TASP1: variants seen among roughly 807,000 people sequenced by gnomAD.
TASP1 encodes taspase 1.
A neutral mutation model predicts 56.6 loss-of-function variants in TASP1; 16 were observed. The observed-to-expected ratio is 0.28, with a 90% CI of 0.19 to 0.43. The LOEUF (loss-of-function observed/expected upper bound fraction) is 0.43, where lower values mean the gene tolerates loss of function less well. Ranked by LOEUF, TASP1 falls within the 20% of genes least tolerant of loss-of-function variation. The pLI is 1.00. For synonymous variants in TASP1, 179 were observed against 184.2 expected (o/e 0.97, Z 0.23); for missense variants, 393 against 511.6 (o/e 0.77, Z 2.24).
At chr20:13,154,246 A>T in the TASP1 span, 1 of 1,397,010 alleles carries the variant, frequency 7.2e-7, no homozygotes, top group Non-Finnish European at 9.8e-7. Flanking sequence ...GAGTGAGTTC[A>T]GAATTCACTC....
At chr20:13,470,996 A>G (rs752314105) in intron 11 of TASP1, among the ~76,000 whole-genome samples, 2 of 152,088 alleles carry the variant, frequency 1.3e-5, no homozygotes, top group Non-Finnish European at 2.9e-5. Context: ...TCTCTTTTCT[A>G]TCCCCTTCAA....
intron 7 of TASP1, among the ~76,000 whole-genome samples, chr20:13,569,081 T>C (rs2046628735): frequency 6.6e-6 from 1 of 152,148 alleles, no homozygotes; most frequent in Non-Finnish European, 1.5e-5. Flanking sequence ...TAACTGTTTT[T>C]CAGTTTAACT....
chr20:13,232,201 A>C, the TASP1 span, among the ~76,000 whole-genome samples: 1 of 152,222 alleles, frequency 6.6e-6, no homozygotes, highest in Admixed American at 6.5e-5. Flanking sequence ...AATAAACTGT[A>C]CATATTTAAA....
the TASP1 span, among the ~76,000 whole-genome samples, chr20:13,184,112 A>G: frequency 5.9e-5 from 9 of 152,164 alleles, no homozygotes; most frequent in African/African-American, 2.2e-4. Context: ...CATTTATTCA[A>G]GAAATATTTA....
intron 4 of TASP1, among the ~76,000 whole-genome samples, chr20:13,600,149 G>C (rs1405670313): frequency 6.6e-6 from 1 of 152,050 alleles, no homozygotes; most frequent in Non-Finnish European, 1.5e-5. Flanking sequence ...TAAATGGAAA[G>C]AAATACTATG....
intron 10 of TASP1, among the ~76,000 whole-genome samples, chr20:13,484,733 C>CAAA (rs34720600): frequency 0.22 from 17,694 of 80,538 alleles, 1,519 homozygotes; most frequent in Middle Eastern, 0.32. Context: ...CAAGATTTCT[C>CAAA]AAAAAAAAAA....
At chr20:13,274,416 T>C in the TASP1 span, among the ~76,000 whole-genome samples, 4 of 152,160 alleles carry the variant, frequency 2.6e-5, no homozygotes, top group Non-Finnish European at 5.9e-5. Flanking sequence ...TAGGTCAGCT[T>C]CCGCTGCCAG....
chr20:13,263,115 G>T, the TASP1 span, among the ~76,000 whole-genome samples: 9 of 152,236 alleles, frequency 5.9e-5, no homozygotes, highest in East Asian at 1.7e-3. Context: ...GCCAGCAATA[G>T]TTCCTAAAGG....
intron 10 of TASP1, among the ~76,000 whole-genome samples, chr20:13,491,834 T>C (rs1358847996): frequency 2.0e-5 from 3 of 152,196 alleles, no homozygotes; most frequent in African/African-American, 4.8e-5. Flanking sequence ...AGCCCCATTA[T>C]TACAAAATGA....
At chr20:13,561,942 G>A (rs1320161215) in intron 7 of TASP1, among the ~76,000 whole-genome samples, 2 of 152,076 alleles carry the variant, frequency 1.3e-5, no homozygotes, top group African/African-American at 4.8e-5. Context: ...AAACCAAGTA[G>A]ATCTAAAAGA....
chr20:13,563,431 T>G (rs1055288815), intron 7 of TASP1, among the ~76,000 whole-genome samples: 2 of 151,932 alleles, frequency 1.3e-5, no homozygotes, highest in African/African-American at 2.4e-5. Context: ...GCCAGCACTA[T>G]CCTAATACCA....
the TASP1 span, chr20:13,126,465 A>T: frequency 8.9e-7 from 1 of 1,127,176 alleles, no homozygotes; most frequent in Non-Finnish European, 1.2e-6. Flanking sequence ...GTTGGACCCC[A>T]TTCATCTTTT....
chr20:13,384,121 T>C, the TASP1 span, among the ~76,000 whole-genome samples: 1 of 152,202 alleles, frequency 6.6e-6, no homozygotes, highest in Non-Finnish European at 1.5e-5. Flanking sequence ...GGAAAGATCA[T>C]TTTAGGAGTA....
At chr20:13,201,835 C>T in the TASP1 span, among the ~76,000 whole-genome samples, 1 of 151,028 alleles carries the variant, frequency 6.6e-6, no homozygotes, top group Non-Finnish European at 1.5e-5. Flanking sequence ...CTCACTGCAA[C>T]CTCCGCCTCC....
the TASP1 span, among the ~76,000 whole-genome samples, chr20:13,209,755 A>C: frequency 6.6e-6 from 1 of 152,228 alleles, no homozygotes; most frequent in South Asian, 2.1e-4. Flanking sequence ...TGAAGATTCA[A>C]AATAGCATTT....
At chr20:13,315,619 T>C in the TASP1 span, among the ~76,000 whole-genome samples, 14 of 152,112 alleles carry the variant, frequency 9.2e-5, no homozygotes, top group African/African-American at 2.4e-4. Flanking sequence ...TCCCTCATAG[T>C]TGAACTCAAC....
intron 13 of TASP1, among the ~76,000 whole-genome samples, chr20:13,416,124 A>G (rs900573305): frequency 2.0e-5 from 3 of 152,174 alleles, no homozygotes; most frequent in African/African-American, 7.2e-5. Context: ...TCCTCCATCA[A>G]ACTAGCCACA....
the TASP1 span, among the ~76,000 whole-genome samples, chr20:13,344,067 C>T: frequency 6.6e-6 from 1 of 152,018 alleles, no homozygotes; most frequent in Admixed American, 6.6e-5. Context: ...CCACCCAGAC[C>T]GATTCCATCG....
chr20:13,217,560 G>A, the TASP1 span, among the ~76,000 whole-genome samples: 7 of 151,776 alleles, frequency 4.6e-5, no homozygotes, highest in Admixed American at 2.6e-4. Flanking sequence ...TAAGATAAAT[G>A]GGACCAATAA....
Sources: allele counts gnomAD v4.1 joint callset (sites outside exome capture counted in the v4.1 genomes callset), GRCh38; gene constraint gnomAD v4.1.1; transcripts MANE v1.5; gene names NCBI Gene and HGNC (gene_info 2026-07-23, HGNC 2026-07-21).